Variants in UIMC1 observed in about 807,000 individuals in gnomAD.
UIMC1 encodes the protein BRCA1-A complex subunit RAP80.
Under a neutral mutation model 84.9 loss-of-function variants are expected in UIMC1, and 42 were observed. That is an observed-to-expected ratio of 0.49 (90% CI 0.39 to 0.64). The LOEUF (loss-of-function observed/expected upper bound fraction) is 0.64, where lower values mean the gene tolerates loss of function less well. Among genes scored for constraint, UIMC1 ranks in the 30% least tolerant of loss-of-function variants. The pLI is 0.00. For synonymous variants in UIMC1, 281 were observed against 293.0 expected (o/e 0.96, Z 0.42); for missense variants, 825 against 847.6 (o/e 0.97, Z 0.33).
At chr5:176,993,003 T>G (rs548188550) in intron 1 of UIMC1, among the ~76,000 whole-genome samples, 1 of 151,946 alleles carries the variant, frequency 6.6e-6, no homozygotes, top group South Asian at 2.1e-4. Context: ...ATGGCCAACA[T>G]GGCGAAACCC....
chr5:176,984,336 C>T (rs2454955), intron 1 of UIMC1, among the ~76,000 whole-genome samples: 28,517 of 125,556 alleles, frequency 0.23, 2,429 homozygotes, highest in Middle Eastern at 0.29. Flanking sequence ...TGCCCGGCCG[C>T]CCCGTCTGGG....
At chr5:176,950,352 C>T (rs1765707798) in intron 9 of UIMC1, among the ~76,000 whole-genome samples, 2 of 150,842 alleles carry the variant, frequency 1.3e-5, no homozygotes, top group South Asian at 4.2e-4. Context: ...CCTGCCTCAC[C>T]CTCCCAAAGT....
At chr5:177,003,268 G>A (rs1159630979) in intron 1 of UIMC1, among the ~76,000 whole-genome samples, 1 of 152,102 alleles carries the variant, frequency 6.6e-6, no homozygotes, top group East Asian at 1.9e-4. Context: ...GTCTCAATTT[G>A]AGACAGGTGT....
chr5:176,999,019 G>A (rs545077448), intron 1 of UIMC1, among the ~76,000 whole-genome samples: 8 of 151,624 alleles, frequency 5.3e-5, no homozygotes, highest in East Asian at 2.0e-4. Flanking sequence ...GCAAGACCCC[G>A]TCCCTACAAA....
intron 2 of UIMC1, among the ~76,000 whole-genome samples, chr5:176,982,032 C>T (rs1352093757): frequency 6.6e-6 from 1 of 152,140 alleles, no homozygotes; most frequent in African/African-American, 2.4e-5. Context: ...TCTTTAATCA[C>T]TTGAAATGTG....
At chr5:176,981,162 T>C (rs1026004469) in intron 2 of UIMC1, among the ~76,000 whole-genome samples, 1 of 147,996 alleles carries the variant, frequency 6.8e-6, no homozygotes, top group African/African-American at 2.6e-5. Flanking sequence ...TTTTTTTTTT[T>C]GAGACGGAGT....
chr5:176,951,468 A>T lies in UIMC1; in HGVS notation c.1443+6T>A. 12 of 1,399,510 alleles carry T rather than the reference A, an allele frequency of 8.6e-6. No homozygotes were observed. Among genetic ancestry groups the T allele is most frequent in the South Asian group, 1.4e-5 (1 of 70,042 alleles). 86.7% of individuals were successfully genotyped at this position (1,399,510 alleles called of 1,614,324 possible). On this transcript the variant is annotated splice_donor_region_variant and intron_variant, in intron 9 of 14. Coordinates refer to ENST00000511320, the MANE Select transcript of UIMC1 (RefSeq NM_001199298.2). ...ACTGAGAAAAAATATAGAGGAAAAT[A>T]TTCACCTCCTTATCTGCCATTATTA... is the stretch of plus-strand genomic sequence containing the variant.
intron 10 of UIMC1, among the ~76,000 whole-genome samples, chr5:176,931,440 G>A (rs1232037260): frequency 6.6e-6 from 1 of 152,184 alleles, no homozygotes; most frequent in Non-Finnish European, 1.5e-5. Context: ...GAAGAAAACT[G>A]CTAAGAGAAA....
In UIMC1 at chr5:176,947,844, A is replaced by G. The variant is rs552356132; in HGVS notation, c.1443+3630T>C. ...AGAAAAAAAAAAAAATTATACAACT[A>G]TTTTTCAAAAGAGGTACTTAGATAC... On this transcript the variant is annotated intron_variant, in intron 9 of 14. Transcript: ENST00000511320. Among the ~76,000 whole-genome samples the G allele has an allele frequency of 6.6e-5, 10 of 151,402 alleles. No homozygotes were observed. In the South Asian group the frequency reaches 1.7e-3, roughly 25 times the overall value.
intron 1 of UIMC1, among the ~76,000 whole-genome samples, chr5:177,020,434 A>C (rs1053531583): frequency 6.6e-6 from 1 of 152,036 alleles, no homozygotes; most frequent in African/African-American, 2.4e-5. Context: ...ATTATTGTTA[A>C]CTTTTTTTGT....
At chr5:176,931,709 G>A (rs528175421) in intron 10 of UIMC1, among the ~76,000 whole-genome samples, 2 of 152,302 alleles carry the variant, frequency 1.3e-5, no homozygotes, top group South Asian at 2.1e-4. Context: ...ACTGAAGGCC[G>A]GGTGCGGTGG....
At chr5:176,923,772 G>C (rs1370009246) in intron 10 of UIMC1, among the ~76,000 whole-genome samples, 1 of 148,234 alleles carries the variant, frequency 6.7e-6, no homozygotes, top group Non-Finnish European at 1.5e-5. Flanking sequence ...GCTGAGGCAA[G>C]AGAATCGCTT....
intron 10 of UIMC1, among the ~76,000 whole-genome samples, chr5:176,933,995 G>A (rs976297571): frequency 6.6e-6 from 1 of 151,972 alleles, no homozygotes; most frequent in Non-Finnish European, 1.5e-5. Context: ...TTAGCATTTC[G>A]ACTGAGTTGT....
At chr5:176,976,095 A>C (rs1297822845) in intron 2 of UIMC1, among the ~76,000 whole-genome samples, 1 of 152,120 alleles carries the variant, frequency 6.6e-6, no homozygotes, top group East Asian at 1.9e-4. Flanking sequence ...GGCCAGTTCA[A>C]AACCAGCCTG....
intron 8 of UIMC1, among the ~76,000 whole-genome samples, chr5:176,953,727 G>GA (rs1766219419): frequency 6.6e-6 from 1 of 152,082 alleles, no homozygotes; most frequent in Non-Finnish European, 1.5e-5. Context: ...TAGCTTCTCA[G>GA]AAAAAAGCAA....
At chr5:176,948,406 A>G (rs1765406621) in intron 9 of UIMC1, among the ~76,000 whole-genome samples, 1 of 152,084 alleles carries the variant, frequency 6.6e-6, no homozygotes, top group African/African-American at 2.4e-5. Flanking sequence ...AATCTCTACC[A>G]CGTTTTATAT....
At chr5:176,994,217 T>G (rs1355180295) in intron 1 of UIMC1, among the ~76,000 whole-genome samples, 1 of 149,228 alleles carries the variant, frequency 6.7e-6, no homozygotes, top group African/African-American at 2.5e-5. Flanking sequence ...AAAGAAAAAA[T>G]AAAAAAAGAC....
At chr5:176,919,169 C>G (rs768192045) in intron 10 of UIMC1, 66 of 403,126 alleles carry the variant, frequency 1.6e-4, no homozygotes, top group Non-Finnish European at 2.8e-4. Flanking sequence ...ATGGCAAGTA[C>G]CTGGGAGGCT....
At chr5:176,930,262 A>C (rs1266543420) in intron 10 of UIMC1, among the ~76,000 whole-genome samples, 1 of 152,140 alleles carries the variant, frequency 6.6e-6, no homozygotes, top group Non-Finnish European at 1.5e-5. Flanking sequence ...TTTTTATACA[A>C]ACACACAGTT....
Sources: allele counts gnomAD v4.1 joint callset (sites outside exome capture counted in the v4.1 genomes callset), GRCh38; gene constraint gnomAD v4.1.1; transcripts MANE v1.5; gene names NCBI Gene and HGNC (gene_info 2026-07-23, HGNC 2026-07-21).